Variants in SPATA6L observed in about 807,000 individuals in gnomAD.
SPATA6L encodes spermatogenesis associated 6-like protein.
SPATA6L carries 68 observed loss-of-function variants against 49.2 expected under a neutral mutation model. The ratio of observed to expected loss-of-function variants is 1.38; its 90% confidence interval spans 1.14 to 1.69. The LOEUF (loss-of-function observed/expected upper bound fraction) is 1.69. Ranked by LOEUF, SPATA6L falls within the 40% of genes most tolerant of loss-of-function variation. The pLI is 0.00. For synonymous variants in SPATA6L, 198 were observed against 165.7 expected, an observed-to-expected ratio of 1.19 and a Z score of -1.50; for missense variants, 668 against 464.3, an observed-to-expected ratio of 1.44 and a Z score of -4.03.
At chr9:4,636,247 T>C (rs1237073323) in intron 3 of SPATA6L, among the ~76,000 whole-genome samples, 1 of 152,198 alleles carries the variant, frequency 6.6e-6, no homozygotes, top group Non-Finnish European at 1.5e-5. Context: ...CCCATCTAAA[T>C]GCTTCATTAT....
Position 4,622,472 on chromosome 9 carries a change from C to G in SPATA6L, c.708G>C (p.Glu236Asp). 2 of 1,613,674 alleles carry G rather than the reference C, an allele frequency of 1.2e-6. No individual in the cohort carries two copies. Among genetic ancestry groups the G allele is most frequent in the African/African-American group, 2.7e-5 (2 of 75,034 alleles). ...SAKPFGENIS[E>D]HHLRRSRRKS... ...TTCTTCTAGACCTCCTCAAATGATGCTCTGAAATATTCTCACCAAAGGGCT... is the reference window on the plus strand; with the variant it reads ...TTCTTCTAGACCTCCTCAAATGATGGTCTGAAATATTCTCACCAAAGGGCT... Residue 236 changes from glutamate (E) to aspartate (D), a missense_variant, in exon 7 of 12, where the codon GAG becomes GAC. Physicochemically the swap from Glu to Asp is conservative, Grantham distance 45. Coordinates refer to ENST00000682582, the MANE Select transcript of SPATA6L (RefSeq NM_001353486.2).
At position 4,600,736 on chromosome 9, in the gene SPATA6L, T is replaced by C. The variant is rs1445067082; in HGVS notation, c.*75A>G. The C allele has an allele frequency of 6.6e-6, 1 of 152,224 alleles. No individual in the cohort carries two copies. Among genetic ancestry groups the C allele is most frequent in the Admixed American group, 6.5e-5 (1 of 15,282 alleles). 9.4% of individuals were successfully genotyped at this position (152,224 alleles called of 1,614,324 possible). ...CAACACAGACAACAAAAAGTGTTCA[T>C]TTCTTTAAGGATGCTTCAATTGTCT... On this transcript the variant is annotated 3_prime_UTR_variant, in exon 12 of 12. Transcript: ENST00000682582.
In SPATA6L at chr9:4,662,647, G is replaced by T; in HGVS notation, c.40-611C>A. The T allele has an allele frequency of 1.3e-6, 2 of 1,599,364 alleles. No individual in the cohort carries two copies. The highest frequency in any genetic ancestry group is 8.5e-7 in the Non-Finnish European group (1 of 1,179,720). ...GCGCCTCCGCTGCCCGAGGAGGACC[G>T]CATGGACTTGAACCCGTCCTTCCTG... On this transcript the variant is annotated intron_variant, in intron 1 of 11. Coordinates refer to ENST00000682582, the MANE Select transcript of SPATA6L (RefSeq NM_001353486.2). The surrounding 1 kb of genome is among the most constrained non-coding windows in gnomAD (Gnocchi z 4.9).
rs80243734 is a variant in SPATA6L at position 4,592,707 on chromosome 9, A to C, written c.*254+3728T>G. On this transcript the variant is annotated intron_variant and NMD_transcript_variant, in intron 13 of 13. Coordinates refer to the SPATA6L transcript ENST00000461761. ...ATCTACTGCATAGCATAGTAGCTAT[A>C]GTTAATACTGCATTGTATACTTACA... Among the ~76,000 whole-genome samples, 907 of 152,374 alleles carry C rather than the reference A, an allele frequency of 6.0e-3. 12 individuals carry two copies. Among genetic ancestry groups the C allele is most frequent in the African/African-American group, 0.021 (881 of 41,592 alleles).
rs921848552 is a variant in SPATA6L, at chr9:4,612,278, A to G, written c.995+5645T>C. ...TGTGAGCCACTACACCCAGCCTCCA[A>G]TCCTGGTTGTTTCCTACCACCAGGA... is the stretch of plus-strand genomic sequence containing the variant. On this transcript the variant is annotated intron_variant, in intron 9 of 11. Transcript: ENST00000682582. 6.6e-5 allele frequency among the ~76,000 whole-genome samples: 10 copies of G among 152,084 alleles called. No homozygotes were observed. The East Asian group carries it at 1.4e-3, about 21-fold the overall frequency.
chr9:4,639,671 T>C (rs563382638), intron 3 of SPATA6L, among the ~76,000 whole-genome samples: 1 of 152,344 alleles, frequency 6.6e-6, no homozygotes, highest in Non-Finnish European at 1.5e-5. Flanking sequence ...CTGAAAGAAC[T>C]CAATGTTCTT....
intron 11 of SPATA6L, among the ~76,000 whole-genome samples, chr9:4,603,907 C>T (rs1417993676): frequency 6.6e-6 from 1 of 152,078 alleles, no homozygotes. Context: ...GCTCCGTGTT[C>T]AAGAAGCTGA....
chr9:4,615,208 C>A (rs1006899449), intron 9 of SPATA6L, among the ~76,000 whole-genome samples: 4 of 152,208 alleles, frequency 2.6e-5, no homozygotes, highest in Non-Finnish European at 5.9e-5. Flanking sequence ...ACTCCAGTAA[C>A]TTTTGTTCCA....
At chr9:4,597,643 G>C (rs76601658), downstream of SPATA6L, among the ~76,000 whole-genome samples, 684 of 152,290 alleles carry the variant, frequency 4.5e-3, 5 homozygotes, top group African/African-American at 0.016. Flanking sequence ...CCTAGATTCA[G>C]TGTGGAGGAT....
chr9:4,632,033 A>ATTT (rs1831675195), intron 4 of SPATA6L, among the ~76,000 whole-genome samples: 1 of 123,304 alleles, frequency 8.1e-6, no homozygotes, highest in Non-Finnish European at 1.6e-5. Flanking sequence ...AACATCAGCT[A>ATTT]CTTTTTTTTT....
rs568688428 is a variant in SPATA6L at position 4,641,807 on chromosome 9, C to G, written c.227-6408G>C. 1.9e-3 allele frequency among the ~76,000 whole-genome samples: 285 copies of G among 152,338 alleles called. 2 individuals carry two copies. The highest frequency in any genetic ancestry group is 6.8e-3 in the African/African-American group (282 of 41,582). ...TGTTTTGTTGAGACAGGGTCTCACT[C>G]TGTTGCCCAAGCTGGAGTGCAGTGG... On this transcript the variant is annotated intron_variant, in intron 3 of 11. Transcript: ENST00000682582.
chr9:4,606,009 G>C (rs1413062892), intron 9 of SPATA6L, among the ~76,000 whole-genome samples: 1 of 152,124 alleles, frequency 6.6e-6, no homozygotes, highest in Non-Finnish European at 1.5e-5. Flanking sequence ...GAAGCGCAAG[G>C]GGTCAGGCAG....
rs552629999 is a variant in SPATA6L at position 4,649,747 on chromosome 9, A to T, written c.226+6294T>A. Among the ~76,000 whole-genome samples, 11 of 152,356 alleles carry T rather than the reference A, an allele frequency of 7.2e-5. No individual in the cohort carries two copies. The East Asian group carries it at 1.9e-3, about 27-fold the overall frequency. The stretch of plus-strand genomic sequence containing the variant: ...TAATTCATACTTGCTTTAAATATCA[A>T]GGACAAAGGAAATCATTAATGAGTG... On this transcript the variant is annotated intron_variant, in intron 3 of 11. Transcript: ENST00000682582.
intron 7 of SPATA6L, among the ~76,000 whole-genome samples, chr9:4,619,203 G>C (rs936442843): frequency 2.0e-5 from 3 of 147,596 alleles, no homozygotes; most frequent in East Asian, 2.0e-4. Context: ...TGTCGCCCAG[G>C]CTGGAGTGCA....
intron 9 of SPATA6L, among the ~76,000 whole-genome samples, chr9:4,613,868 C>T (rs1318927595): frequency 1.3e-5 from 2 of 152,108 alleles, no homozygotes; most frequent in Non-Finnish European, 2.9e-5. Context: ...CAGGTGTGAG[C>T]CACCACGCTT....
At chr9:4,639,772 T>A (rs1448460024) in intron 3 of SPATA6L, among the ~76,000 whole-genome samples, 4 of 152,162 alleles carry the variant, frequency 2.6e-5, no homozygotes, top group African/African-American at 9.7e-5. Context: ...TTAAGAGAAA[T>A]AACAATTTTA....
At position 4,661,226 on chromosome 9, in the gene SPATA6L, T is replaced by A. The variant is rs552387389; in HGVS notation, c.177+673A>T. On this transcript the variant is annotated intron_variant, in intron 2 of 11. Transcript: ENST00000682582. ...ATGACATTGTTTGGGGCAAAATCAT[T>A]AGACTTATTAAGGTTAAAATTGATT... Among the ~76,000 whole-genome samples the A allele has an allele frequency of 8.5e-5, 13 of 152,336 alleles. No individual in the cohort carries two copies. The East Asian group carries it at 2.5e-3, about 29-fold the overall frequency.
chr9:4,658,575 C>T (rs1216445004), intron 2 of SPATA6L, among the ~76,000 whole-genome samples: 1 of 152,084 alleles, frequency 6.6e-6, no homozygotes, highest in Non-Finnish European at 1.5e-5. Context: ...TCAACAGAGC[C>T]ATAGTGGCAT....
chr9:4,662,698 C>T lies in SPATA6L; in HGVS notation c.40-662G>A. The T allele has an allele frequency of 6.2e-7, 1 of 1,601,452 alleles. No individual in the cohort carries two copies. The highest frequency in any genetic ancestry group is 2.2e-5 in the East Asian group (1 of 44,864). On this transcript the variant is annotated intron_variant, in intron 1 of 11. Transcript: ENST00000682582. The surrounding 1 kb of genome is among the most constrained non-coding windows in gnomAD (Gnocchi z 4.9). ...GGCATCGCCCTGCGCTCCCTGCTGGCCATCGACCTGTGGCTGTCCAAGAAG... is the reference window on the plus strand; with the variant it reads ...GGCATCGCCCTGCGCTCCCTGCTGGTCATCGACCTGTGGCTGTCCAAGAAG...
Sources: allele counts gnomAD v4.1 joint callset (sites outside exome capture counted in the v4.1 genomes callset), GRCh38; gene constraint gnomAD v4.1.1; non-coding constraint Gnocchi (gnomAD v3.1); transcripts MANE v1.5; gene names NCBI Gene and HGNC (gene_info 2026-07-23, HGNC 2026-07-21).